NUP210L: variants seen among roughly 807,000 people sequenced by gnomAD.
The protein encoded by NUP210L is nuclear pore membrane glycoprotein 210-like.
A neutral mutation model predicts 208.5 loss-of-function variants in NUP210L; 74 were observed. The observed-to-expected ratio is 0.35, with a 90% confidence interval of 0.29 to 0.43. The LOEUF (loss-of-function observed/expected upper bound fraction) is 0.43, where lower values mean the gene tolerates loss of function less well. NUP210L is among the 20% of genes least tolerant of loss of function. NUP210L has a pLI of 1.00. For synonymous variants in NUP210L, 780 were observed against 816.9 expected (o/e 0.95, Z 0.77); for missense variants, 1,843 against 2,289.4 (o/e 0.81, Z 3.98).
chr1:154,094,208 G>A (rs1392971094), intron 15 of NUP210L, among the ~76,000 whole-genome samples: 7 of 151,846 alleles, frequency 4.6e-5, no homozygotes, highest in Non-Finnish European at 1.0e-4. Context: ...TCTTGAACCC[G>A]GAAGGCAGAG....
intron 16 of NUP210L, among the ~76,000 whole-genome samples, 196 bp from the exon 17 acceptor site, chr1:154,070,661 ATAT>A (rs1297586767): frequency 6.6e-6 from 1 of 152,142 alleles, no homozygotes; most frequent in Non-Finnish European, 1.5e-5. Context: ...CCAGTTCTTA[ATAT>A]TTAGTTACAT....
chr1:154,054,662 T>G, intron 24 of NUP210L, 108 bp downstream of exon 24: 2 of 865,576 alleles, frequency 2.3e-6, no homozygotes, highest in Non-Finnish European at 3.8e-6. Context: ...CACTAGTACT[T>G]GGGTGAGAGT....
intron 37 of NUP210L, among the ~76,000 whole-genome samples, chr1:153,996,786 T>G (rs867957563): frequency 1.4e-4 from 21 of 151,814 alleles, no homozygotes; most frequent in African/African-American, 4.8e-4. Context: ...ACTCAGGATG[T>G]CATTTTTTGG....
At chr1:154,113,154 T>C (rs1657127362) in intron 12 of NUP210L, among the ~76,000 whole-genome samples, 1 of 97,396 alleles carries the variant, frequency 1.0e-5, no homozygotes, top group Non-Finnish European at 1.9e-5. Context: ...AGAAACCCTC[T>C]CTTAAAAAAA....
At chr1:154,073,446 A>G (rs1279144973) in intron 16 of NUP210L, among the ~76,000 whole-genome samples, 1 of 152,034 alleles carries the variant, frequency 6.6e-6, no homozygotes, top group Non-Finnish European at 1.5e-5. Context: ...GGATCGCTTG[A>G]GCCCAAGTTC....
exon 31 of NUP210L, chr1:154,023,291 G>C: frequency 6.2e-7 from 1 of 1,606,732 alleles, no homozygotes; most frequent in Non-Finnish European, 8.5e-7. Context: ...TATGTCACCG[G>C]TGCTACCTGT....
At chr1:154,070,283 G>C in exon 17 of NUP210L, 3 of 1,596,704 alleles carry the variant, frequency 1.9e-6, no homozygotes, top group South Asian at 1.1e-5. Context: ...CATGTAACCG[G>C]GTCTGCCCAC....
chr1:154,111,275 C>T lies in NUP210L; in HGVS notation c.1620+6450G>A, dbSNP rs1231825366. ...GCAGGCGCCTATAATCCCAGCTACT[C>T]GGAAGGCTGAGGCATGAGAATCACT... On this transcript the variant is annotated intron_variant, in intron 12 of 39. Transcript: ENST00000368559. Among the ~76,000 whole-genome samples the T allele has an allele frequency of 4.0e-5, 6 of 151,112 alleles. No homozygotes were observed. The South Asian group carries it at 1.0e-3, about 26-fold the overall frequency.
intron 2 of NUP210L, among the ~76,000 whole-genome samples, chr1:154,149,388 G>C (rs76350119): frequency 6.6e-6 from 1 of 151,958 alleles, no homozygotes; most frequent in African/African-American, 2.4e-5. Flanking sequence ...GCCCAGCCTA[G>C]AAAACTTTTC....
chr1:154,128,841 T>C (rs1210665769), intron 8 of NUP210L, among the ~76,000 whole-genome samples: 2 of 152,140 alleles, frequency 1.3e-5, no homozygotes, highest in Non-Finnish European at 2.9e-5. Context: ...AGCAAGACCC[T>C]GTCTCAAACA....
intron 6 of NUP210L, among the ~76,000 whole-genome samples, chr1:154,137,551 G>GA (rs71096513): frequency 2.2e-5 from 3 of 135,220 alleles, no homozygotes; most frequent in East Asian, 2.2e-4. Flanking sequence ...ACTACATCTA[G>GA]AAAAAAAAAA....
intron 32 of NUP210L, among the ~76,000 whole-genome samples, chr1:154,020,169 T>C (rs1258623257): frequency 6.6e-6 from 1 of 152,130 alleles, no homozygotes; most frequent in Non-Finnish European, 1.5e-5. Context: ...TAAAGTCAGG[T>C]CCAACATTTA....
intron 7 of NUP210L, among the ~76,000 whole-genome samples, chr1:154,130,432 C>T (rs917641741): frequency 6.6e-6 from 1 of 151,972 alleles, no homozygotes; most frequent in African/African-American, 2.4e-5. Flanking sequence ...ACCACCTCGC[C>T]CAGCTAATTA....
intron 5 of NUP210L, 114 bp downstream of exon 5, chr1:154,139,688 A>AAAC (rs1658732602): frequency 1.2e-5 from 5 of 411,636 alleles, no homozygotes; most frequent in Non-Finnish European, 1.7e-5. Flanking sequence ...ACAAACAAAC[A>AAAC]AAAAAAAAAA....
rs547869716 is a variant in NUP210L at position 154,104,180 on chromosome 1, G to C, written c.1651C>G (p.Leu551Val). Residue 551 changes from leucine (L) to valine (V), a missense_variant, in exon 13 of 40, where the codon CTG (leucine) becomes GTG (valine). Physicochemically the swap from Leu to Val is conservative, Grantham distance 32 (BLOSUM62 1). Around this residue, in one of 5 missense-constraint regions of NUP210L, gnomAD observed 408 missense variants for 600.8 expected, o/e 0.68. Transcript: ENST00000368559. ...TCCACATCAGCATGAAATGGTAACA[G>C]TTCCATTTTGTTCAGTTTCAGGACA... 7.4e-6 allele frequency: 12 copies of C among 1,613,742 alleles called. No homozygotes were observed. Among genetic ancestry groups the C allele is most frequent in the Non-Finnish European group, 1.0e-5 (12 of 1,179,876 alleles).
intron 3 of NUP210L, among the ~76,000 whole-genome samples, chr1:154,143,164 G>C (rs1658941458): frequency 6.7e-6 from 1 of 150,106 alleles, no homozygotes; most frequent in Admixed American, 6.7e-5. Context: ...CTCCAGCCTG[G>C]GCAACAAAAG....
At chr1:154,058,286 G>T in intron 21 of NUP210L, 70 bp from the exon 22 acceptor site, 2 of 1,516,062 alleles carry the variant, frequency 1.3e-6, no homozygotes, top group South Asian at 1.2e-5. Context: ...ACTCTTAGAG[G>T]GCAGTGTACT....
intron 37 of NUP210L, among the ~76,000 whole-genome samples, chr1:153,997,245 T>A (rs1463494015): frequency 6.6e-6 from 1 of 150,694 alleles, no homozygotes; most frequent in Non-Finnish European, 1.5e-5. Context: ...ATTACAGGCA[T>A]GAGCCATCGC....
At chr1:154,080,574 C>T (rs566033260) in intron 16 of NUP210L, among the ~76,000 whole-genome samples, 1 of 151,740 alleles carries the variant, frequency 6.6e-6, no homozygotes, top group African/African-American at 2.4e-5. Context: ...GTCCCAACTA[C>T]TTGGGAGGAG....
Sources: allele counts gnomAD v4.1 joint callset (sites outside exome capture counted in the v4.1 genomes callset), GRCh38; gene constraint gnomAD v4.1.1; regional missense constraint gnomAD v4.1.1; transcripts MANE v1.5; gene names NCBI Gene and HGNC (gene_info 2026-07-23, HGNC 2026-07-21).